The following MRPS22 variants were observed in gnomAD, a reference collection of about 807,000 sequenced individuals.
MRPS22 encodes the protein mitochondrial ribosomal protein S22.
Under a neutral mutation model 44.0 loss-of-function variants are expected in MRPS22, and 30 were observed. The observed-to-expected ratio is 0.68, with a 90% CI of 0.51 to 0.93. The LOEUF (loss-of-function observed/expected upper bound fraction) is 0.93. Ranked by LOEUF, MRPS22 falls within the 40% of genes least tolerant of loss-of-function variation. MRPS22 has a pLI of 0.00. For missense variants in MRPS22, 447 were observed against 447.8 expected (o/e 1.00, Z 0.02); for synonymous variants, 165 against 154.4 (o/e 1.07, Z -0.51).
intron 1 of MRPS22, among the ~76,000 whole-genome samples, chr3:139,345,370 C>T (rs777502239): frequency 7.3e-5 from 11 of 149,824 alleles, no homozygotes; most frequent in Non-Finnish European, 1.5e-4. Flanking sequence ...AGAGTAGTGG[C>T]AGTGGGAAAT....
chr3:139,351,876 T>A (rs1941158976), intron 5 of MRPS22: 1 of 152,850 alleles, frequency 6.5e-6, no homozygotes, highest in African/African-American at 2.4e-5. Context: ...CTGAGGAATC[T>A]GGAATTCAGT....
rs940816404 is a variant in MRPS22 at position 139,344,485 on chromosome 3, A to G, written c.172+287A>G. ...CACAGACATTTCCCTGTGGGAACTCATGTCCATGGGGAATTGGCAGTGCAG... is the reference window on the plus strand; with the variant it reads ...CACAGACATTTCCCTGTGGGAACTCGTGTCCATGGGGAATTGGCAGTGCAG... On this transcript the variant is annotated intron_variant, in intron 1 of 7. Transcript: ENST00000680020. 1.1e-5 allele frequency: 7 copies of G among 611,186 alleles called. No homozygotes were observed. In the African/African-American group the frequency reaches 1.3e-4, roughly 11 times the overall value. The allele number at this position is 611,186 out of a possible 1,614,324, so 37.9% of individuals were successfully genotyped here.
In MRPS22 at chr3:139,355,995, T is replaced by G. The variant is rs9846449; in HGVS notation, c.987+205T>G. Among the ~76,000 whole-genome samples, 13,322 of 152,002 alleles carry G rather than the reference T, an allele frequency of 0.088. 763 individuals are homozygous for G. Among genetic ancestry groups the G allele is most frequent in the Non-Finnish European group, 0.14 (9,212 of 67,962 alleles). ...GGGAGGGGGGTAAAGTGCAGTAAAGTAGGTTGAGTGATGTGGTGCTAGCAG... is the reference window on the plus strand; with the variant it reads ...GGGAGGGGGGTAAAGTGCAGTAAAGGAGGTTGAGTGATGTGGTGCTAGCAG... On this transcript the variant is annotated intron_variant, in intron 7 of 7. Transcript: ENST00000680020.
At chr3:139,352,202 T>G (rs1487583881) in intron 5 of MRPS22, 1 of 183,646 alleles carries the variant, frequency 5.4e-6, no homozygotes, top group Non-Finnish European at 1.2e-5. Flanking sequence ...AAATGTTTGG[T>G]ATTTTGCTTC....
intron 6 of MRPS22, 22 bp downstream of exon 6, chr3:139,352,814 G>C (rs1274445008): frequency 5.0e-6 from 8 of 1,608,716 alleles, no homozygotes; most frequent in Non-Finnish European, 6.8e-6. Context: ...CTTAGTAAGT[G>C]AAAGAATCAT....
chr3:139,345,438 GT>G lies in MRPS22; in HGVS notation c.172+1251del, dbSNP rs55710231. ...AATCAGTATGTTCTCTGCCAGTGGT[GT>G]TTTTTTTTTTGTTTTTTTTTTTTTT... is the stretch of plus-strand genomic sequence containing the variant. On this transcript the variant is annotated intron_variant, in intron 1 of 7. Transcript: ENST00000680020. Among the ~76,000 whole-genome samples the G allele has an allele frequency of 1.2e-3, 143 of 121,636 alleles. 1 individual carries two copies. The highest frequency in any genetic ancestry group is 4.2e-3 in the African/African-American group (139 of 33,190). The allele number at this position is 121,636 out of a possible 152,430, so 79.8% of individuals were successfully genotyped here.
In MRPS22 at chr3:139,348,317, C is replaced by T. The variant is rs1315497200; in HGVS notation, c.497C>T (p.Pro166Leu). ...TTTACTGATATATCATATAGCATACCACACCGGGTGAGTATATGTCTAATC... is the reference window on the plus strand; with the variant it reads ...TTTACTGATATATCATATAGCATACTACACCGGGTGAGTATATGTCTAATC... ...YVFTDISYSIPHRERFIVVRE... is the reference protein window; with the variant it reads ...YVFTDISYSILHRERFIVVRE... The change falls in exon 3 of 8, where the codon CCA becomes CTA. Residue 166 changes from proline (P) to leucine (L), a missense_variant. Transcript: ENST00000680020. 2 of 1,613,618 alleles carry T rather than the reference C, an allele frequency of 1.2e-6. No individual in the cohort carries two copies. Among genetic ancestry groups the T allele is most frequent in the African/African-American group, 1.3e-5 (1 of 74,876 alleles).
intron 3 of MRPS22, 176 bp downstream of exon 3, chr3:139,348,500 C>A: frequency 1.5e-6 from 1 of 652,240 alleles, no homozygotes; most frequent in Non-Finnish European, 2.7e-6. Context: ...ACCAGCCCCA[C>A]ATCATGGTGT....
chr3:139,353,145 T>G (rs1290868722), intron 6 of MRPS22, among the ~76,000 whole-genome samples: 3 of 152,230 alleles, frequency 2.0e-5, no homozygotes, highest in African/African-American at 7.2e-5. Flanking sequence ...GCTCTGTGGT[T>G]GTTTTCTGGT....
chr3:139,349,175 A>G (rs1377942997), intron 3 of MRPS22: 2 of 348,998 alleles, frequency 5.7e-6, no homozygotes, highest in African/African-American at 4.3e-5. Context: ...ATGCTTTAAT[A>G]TATGTTTGCA....
Position 139,350,161 on chromosome 3 carries a change from T to G in MRPS22, c.505-18T>G. 6.2e-7 allele frequency: 1 copy of G among 1,614,016 alleles called. No individual in the cohort carries two copies. Among genetic ancestry groups the G allele is most frequent in the Non-Finnish European group, 8.5e-7 (1 of 1,179,932 alleles). On this transcript the variant is annotated intron_variant, in intron 3 of 7. Coordinates refer to ENST00000680020, the MANE Select transcript of MRPS22 (RefSeq NM_020191.4). ...ACGTCCTCACAAACGCATCCTTGAT[T>G]ATGTTTTTCTATTTTAGGAGCGTTT...
rs78050187 is a variant in MRPS22 at position 139,345,450 on chromosome 3, GT to G, written c.172+1268del. ...CTCTGCCAGTGGTGTTTTTTTTTTT[GT>G]TTTTTTTTTTTTTTTGTAAAATTGG... On this transcript the variant is annotated intron_variant, in intron 1 of 7. Coordinates refer to ENST00000680020, the MANE Select transcript of MRPS22 (RefSeq NM_020191.4). 7.7e-4 allele frequency among the ~76,000 whole-genome samples: 82 copies of G among 106,534 alleles called. 2 individuals are homozygous for G. The highest frequency in any genetic ancestry group is 1.9e-3 in the African/African-American group (54 of 28,702). The allele number at this position is 106,534 out of a possible 152,430, so 69.9% of individuals were successfully genotyped here.
At chr3:139,349,195 A>G (rs1941102242) in intron 3 of MRPS22, 3 of 402,094 alleles carry the variant, frequency 7.5e-6, no homozygotes, top group Non-Finnish European at 1.5e-5. Context: ...AGTGCTGTGC[A>G]TGTTGGTTGG....
In MRPS22 at chr3:139,354,081, A is replaced by T. The variant is rs563340691; in HGVS notation, c.878+1289A>T. Among the ~76,000 whole-genome samples the T allele has an allele frequency of 1.1e-3, 173 of 152,314 alleles. 1 individual carries two copies. The highest frequency in any genetic ancestry group is 4.1e-3 in the African/African-American group (170 of 41,556). The stretch of plus-strand genomic sequence containing the variant: ...GAGTACTTACTTAGCTTTTCCTGCT[A>T]TTCCTAGGTAAAGGCCCTCCTGTGG... On this transcript the variant is annotated intron_variant, in intron 6 of 7. Transcript: ENST00000680020.
intron 1 of MRPS22, 143 bp downstream of exon 1, chr3:139,344,341 A>G (rs1219525041): frequency 1.1e-6 from 1 of 931,752 alleles, no homozygotes; most frequent in Non-Finnish European, 1.7e-6. Flanking sequence ...CTGTACCTGT[A>G]GAGTTTGTCA....
At chr3:139,352,875 T>A in intron 6 of MRPS22, 83 bp downstream of exon 6, 6 of 1,416,540 alleles carry the variant, frequency 4.2e-6, no homozygotes, top group Non-Finnish European at 5.9e-6. Flanking sequence ...ATTTTTCCAG[T>A]GATAACAGTG....
chr3:139,353,447 G>A (rs1026478972), intron 6 of MRPS22, among the ~76,000 whole-genome samples: 2 of 152,222 alleles, frequency 1.3e-5, no homozygotes, highest in African/African-American at 4.8e-5. Context: ...CATGGCTGTA[G>A]TAAGAAAGTC....
Position 139,355,444 on chromosome 3 carries a change from T to C in MRPS22, c.879-238T>C, listed in dbSNP as rs114351042. ...TTTGGAATATATTCACTTTCATAAATTGGACACTTCCTGCAGTGACTCCTG... is the reference window on the plus strand; with the variant it reads ...TTTGGAATATATTCACTTTCATAAACTGGACACTTCCTGCAGTGACTCCTG... On this transcript the variant is annotated intron_variant, in intron 6 of 7. Transcript: ENST00000680020. 0.015 allele frequency among the ~76,000 whole-genome samples: 2,266 copies of C among 152,308 alleles called. 62 individuals carry two copies. Among genetic ancestry groups the C allele is most frequent in the African/African-American group, 0.052 (2,179 of 41,556 alleles).
At chr3:139,356,454 G>A (rs1449695012) in intron 7 of MRPS22, among the ~76,000 whole-genome samples, 1 of 152,204 alleles carries the variant, frequency 6.6e-6, no homozygotes, top group African/African-American at 2.4e-5. Context: ...TTTGCATGCT[G>A]CAAAGCTAAG....
Sources: gnomAD v4.1 joint callset for allele counts (sites outside exome capture counted in the v4.1 genomes callset) on GRCh38, gnomAD v4.1.1 for gene constraint, MANE v1.5 for transcripts, NCBI Gene and HGNC (gene_info 2026-07-23, HGNC 2026-07-21) for gene names.